Variants in TMPO observed in about 807,000 individuals in gnomAD.
TMPO encodes the protein LEM domain containing 4.
TMPO carries 22 observed loss-of-function variants against 45.4 expected under a neutral mutation model. The observed-to-expected ratio is 0.48, with a 90% CI of 0.35 to 0.69. The LOEUF (loss-of-function observed/expected upper bound fraction) is 0.69. TMPO is among the 30% of genes least tolerant of loss of function. TMPO has a pLI of 0.01. For synonymous variants in TMPO, 241 were observed against 204.1 expected, an observed-to-expected ratio of 1.18 and a Z score of -1.54; for missense variants, 512 against 548.8, an observed-to-expected ratio of 0.93 and a Z score of 0.67.
At position 98,516,113 on chromosome 12, in the gene TMPO, C is replaced by T. The variant is rs754839387; in HGVS notation, c.246C>T (p.Ala82=). The T allele has an allele frequency of 3.9e-6, 6 of 1,525,390 alleles. No individual in the cohort carries two copies. Among genetic ancestry groups the T allele is most frequent in the South Asian group, 1.2e-5 (1 of 81,398 alleles). The allele number at this position is 1,525,390 out of a possible 1,614,324, so 94.5% of individuals were successfully genotyped here. A position where few individuals can be genotyped will look rare whatever the true frequency, so the allele number is the denominator to read the frequency against. ...CCCCGGTCCTCGGCTCTGGGGCCGC[C>T]GCCGCGGGCCGGAGCCGAGCAGCCG... ...EPTPVLGSGA[A]AAGRSRAAVG... Residue 82 remains alanine, a synonymous_variant, in exon 1 of 9, where the codon GCC becomes GCT. Transcript: ENST00000556029.
Position 98,527,785 on chromosome 12 carries a change from C to T in TMPO, c.280-101C>T, listed in dbSNP as rs1280069475. ...TGCTAAGGCCTAATATTACTATAAACCAATTTGGTAGTGAGTTTGCATGTT... is the reference window on the plus strand; with the variant it reads ...TGCTAAGGCCTAATATTACTATAAATCAATTTGGTAGTGAGTTTGCATGTT... On this transcript the variant is annotated intron_variant, in intron 1 of 8. Transcript: ENST00000556029. 5 of 1,397,000 alleles carry T rather than the reference C, an allele frequency of 3.6e-6. No homozygotes were observed. The Admixed American group carries it at 5.2e-5, about 15-fold the overall frequency. The allele number at this position is 1,397,000 out of a possible 1,614,324, so 86.5% of individuals were successfully genotyped here.
intron 8 of TMPO, among the ~76,000 whole-genome samples, 189 bp from the exon 9 acceptor site, chr12:98,547,382 CTT>C (rs1413659316): frequency 6.6e-6 from 1 of 152,106 alleles, no homozygotes; most frequent in Non-Finnish European, 1.5e-5. Context: ...GCCCATCTAA[CTT>C]TTAAAATAGA....
intron 4 of TMPO, among the ~76,000 whole-genome samples, chr12:98,541,329 G>A (rs1324165572): frequency 6.6e-6 from 1 of 152,184 alleles, no homozygotes; most frequent in Non-Finnish European, 1.5e-5. Flanking sequence ...AGTAGGTAGT[G>A]CTAGGTAAAT....
chr12:98,531,728 A>G lies in TMPO; in HGVS notation c.455A>G (p.Gln152Arg). ...AAAAAGCTTTTGAAACTGAGGGAAC[A>G]AGGAACAGAATCAAGATCTTCTACT... ...YEKKLLKLRE[Q>R]GTESRSSTPL... The change falls in exon 3 of 9, where the codon CAA becomes CGA. Residue 152 changes from glutamine to arginine, a missense_variant. Gln to Arg is a conservative substitution (Grantham distance 43). Transcript: ENST00000556029. The G allele has an allele frequency of 6.2e-7, 1 of 1,613,608 alleles. No individual in the cohort carries two copies. Among genetic ancestry groups the G allele is most frequent in the Non-Finnish European group, 8.5e-7 (1 of 1,179,972 alleles).
At chr12:98,522,077 A>C (rs1876415222) in intron 1 of TMPO, among the ~76,000 whole-genome samples, 1 of 152,102 alleles carries the variant, frequency 6.6e-6, no homozygotes, top group African/African-American at 2.4e-5. Context: ...TCTGTCCCTC[A>C]GACTGTAGTG....
At chr12:98,545,447 TGTG>T (rs1324397788) in intron 7 of TMPO, among the ~76,000 whole-genome samples, 1 of 152,152 alleles carries the variant, frequency 6.6e-6, no homozygotes, top group Admixed American at 6.6e-5. Flanking sequence ...CATAACTTCA[TGTG>T]GTGCTGGAAT....
chr12:98,537,373 C>A, intron 3 of TMPO, 102 bp from the exon 4 acceptor site: 1 of 952,182 alleles, frequency 1.1e-6, no homozygotes, highest in Non-Finnish European at 1.6e-6. Flanking sequence ...TGTTTTTCAC[C>A]TTTTAATGTG....
rs377465206 is a variant in TMPO at position 98,534,135 on chromosome 12, A to G, written c.565+2297A>G. ...TGAGCAAAACATATGATGCAGCCTC[A>G]TATATTTGTGAAGCTGCATTTGATG... On this transcript the variant is annotated intron_variant, in intron 3 of 8. Transcript: ENST00000556029. 22 of 1,613,936 alleles carry G rather than the reference A, an allele frequency of 1.4e-5. No homozygotes were observed. In the African/African-American group the frequency reaches 2.7e-4, roughly 20 times the overall value.
At position 98,545,129 on chromosome 12, in the gene TMPO, G is replaced by GT. The variant is rs79128220; in HGVS notation, c.990+86dup. 0.17 allele frequency: 104,920 copies of GT among 634,882 alleles called. 1,672 individuals carry two copies. Among genetic ancestry groups the GT allele is most frequent in the African/African-American group, 0.2 (9,022 of 45,876 alleles). The allele number at this position is 634,882 out of a possible 1,614,324, so 39.3% of individuals were successfully genotyped here. On this transcript the variant is annotated intron_variant, in intron 7 of 8. Transcript: ENST00000556029. ...AAAGAGGAAATATAAATATTTGTTT[G>GT]TTTTTTTTTTTTTTTTTTGGAGTGG... is the stretch of plus-strand genomic sequence containing the variant.
Position 98,531,708 on chromosome 12 carries a change from G to A in TMPO, c.435G>A (p.Lys145=), listed in dbSNP as rs761042460. ...CAACCAGGAAGCTATATGAGAAAAA[G>A]CTTTTGAAACTGAGGGAACAAGGAA... ...VGTTRKLYEK[K]LLKLREQGTE... The change falls in exon 3 of 9, where the codon AAG becomes AAA. Residue 145 remains lysine, a synonymous_variant. Transcript: ENST00000556029. 2 of 1,612,984 alleles carry A rather than the reference G, an allele frequency of 1.2e-6. No homozygotes were observed. Among genetic ancestry groups the A allele is most frequent in the South Asian group, 1.1e-5 (1 of 91,044 alleles).
At chr12:98,518,118 C>G (rs1876022313) in intron 1 of TMPO, among the ~76,000 whole-genome samples, 1 of 147,854 alleles carries the variant, frequency 6.8e-6, no homozygotes, top group East Asian at 2.0e-4. Context: ...GCACTCCAGC[C>G]TGGGGGACAA....
chr12:98,544,768 TA>T, intron 6 of TMPO, 182 bp from the exon 7 acceptor site: 1 of 657,194 alleles, frequency 1.5e-6, no homozygotes, highest in South Asian at 1.9e-5. Flanking sequence ...TATTTTTTGT[TA>T]AAATATTTGA....
chr12:98,532,977 A>G, intron 3 of TMPO: 1 of 1,614,188 alleles, frequency 6.2e-7, no homozygotes, highest in Non-Finnish European at 8.5e-7. Context: ...AACTACAGGC[A>G]GCTAAGAAAG....
intron 4 of TMPO, among the ~76,000 whole-genome samples, chr12:98,538,219 A>G (rs1488142577): frequency 6.6e-6 from 1 of 152,190 alleles, no homozygotes; most frequent in Admixed American, 6.6e-5. Flanking sequence ...CAGAGAACAA[A>G]TTATTGACTA....
At chr12:98,529,699 C>G (rs948478316) in intron 2 of TMPO, among the ~76,000 whole-genome samples, 6 of 152,110 alleles carry the variant, frequency 3.9e-5, no homozygotes, top group Non-Finnish European at 7.4e-5. Flanking sequence ...GCTGGGAACA[C>G]AGGCACGTGC....
At chr12:98,534,001 A>G (rs1565812056) in intron 3 of TMPO, 1 of 1,608,008 alleles carries the variant, frequency 6.2e-7, no homozygotes, top group East Asian at 2.2e-5. Context: ...AGCATTGCAG[A>G]TTGCAACTCA....
At chr12:98,540,819 C>A (rs567658802) in intron 4 of TMPO, among the ~76,000 whole-genome samples, 111 of 152,308 alleles carry the variant, frequency 7.3e-4, no homozygotes, top group African/African-American at 2.3e-3. Context: ...AATGATATAG[C>A]GGCCTTCCTG....
chr12:98,526,388 T>C (rs1876761261), intron 1 of TMPO, among the ~76,000 whole-genome samples: 1 of 152,214 alleles, frequency 6.6e-6, no homozygotes, highest in Non-Finnish European at 1.5e-5. Context: ...AGTCCCTTAA[T>C]ATAAAGTGGT....
intron 3 of TMPO, chr12:98,533,741 A>G (rs761148915): frequency 2.5e-6 from 4 of 1,614,092 alleles, no homozygotes; most frequent in Non-Finnish European, 3.4e-6. Flanking sequence ...TTTCCCTTCC[A>G]TGAATCTATT....
Sources: allele counts gnomAD v4.1 joint callset (sites outside exome capture counted in the v4.1 genomes callset), GRCh38; gene constraint gnomAD v4.1.1; transcripts MANE v1.5; gene names NCBI Gene and HGNC (gene_info 2026-07-23, HGNC 2026-07-21).